HS3ST5: variants seen among roughly 807,000 people sequenced by gnomAD.
HS3ST5 encodes the protein heparan sulfate-glucosamine 3-sulfotransferase 5.
In HS3ST5, 10 loss-of-function variants were observed where a neutral mutation model predicts 25.4. The observed-to-expected ratio is 0.39, with a 90% CI of 0.24 to 0.67. The LOEUF is 0.67. HS3ST5 is among the 30% of genes least tolerant of loss of function. The pLI, the probability that HS3ST5 is intolerant of heterozygous loss-of-function variation, is 0.44. For synonymous variants in HS3ST5, 170 were observed against 162.4 expected, an observed-to-expected ratio of 1.05 and a Z score of -0.36; for missense variants, 324 against 420.7, an observed-to-expected ratio of 0.77 and a Z score of 2.01.
chr6:114,076,074 A>G (rs1246060234), intron 3 of HS3ST5, among the ~76,000 whole-genome samples: 2 of 152,224 alleles, frequency 1.3e-5, no homozygotes, highest in African/African-American at 4.8e-5. Flanking sequence ...TGTGAGGTGA[A>G]GAGGACAGTA....
At chr6:114,120,089 G>A (rs1237978925) in intron 3 of HS3ST5, among the ~76,000 whole-genome samples, 1 of 152,144 alleles carries the variant, frequency 6.6e-6, no homozygotes, top group Non-Finnish European at 1.5e-5. Context: ...AGGTTGTAGT[G>A]AGCCGAGATC....
chr6:114,330,875 A>C (rs1047247278), intron 1 of HS3ST5, among the ~76,000 whole-genome samples: 4 of 152,192 alleles, frequency 2.6e-5, no homozygotes, highest in African/African-American at 9.7e-5. Flanking sequence ...GGGTCTTCCC[A>C]AACAGTAAAC....
At chr6:114,161,138 A>G (rs1454837699) in intron 3 of HS3ST5, among the ~76,000 whole-genome samples, 1 of 151,984 alleles carries the variant, frequency 6.6e-6, no homozygotes, top group Non-Finnish European at 1.5e-5. Context: ...TTTGCCATAA[A>G]TTACCAAACC....
chr6:114,196,045 A>T (rs1482283542), intron 2 of HS3ST5, among the ~76,000 whole-genome samples: 1 of 152,202 alleles, frequency 6.6e-6, no homozygotes, highest in African/African-American at 2.4e-5. Flanking sequence ...TCAGTTTCTT[A>T]TAAAAGCCTT....
chr6:114,290,081 T>C (rs760927036), intron 1 of HS3ST5, among the ~76,000 whole-genome samples: 2 of 152,184 alleles, frequency 1.3e-5, no homozygotes, highest in Admixed American at 6.5e-5. Flanking sequence ...GGTATGTTTC[T>C]ATAAGTTCCA....
rs1487529333 is a variant in HS3ST5 at position 114,058,079 on chromosome 6, C to A, written c.219G>T (p.Lys73Asn). ...GAACCTGCTCCTTGGAAGCGTTGCC[C>A]TTCCGGAACTCGTGCAGCAGGCCAC... ...FKRGLLHEFR[K>N]GNASKEQVRL... The change falls in exon 5 of 5, where the codon AAG becomes AAT. Residue 73 changes from lysine to asparagine, a missense_variant. Transcript: ENST00000312719. The A allele has an allele frequency of 6.2e-7, 1 of 1,614,166 alleles. No individual in the cohort carries two copies. The highest frequency in any genetic ancestry group is 1.3e-5 in the African/African-American group (1 of 75,032).
At chr6:114,090,434 C>G (rs758724103) in intron 3 of HS3ST5, among the ~76,000 whole-genome samples, 4 of 152,076 alleles carry the variant, frequency 2.6e-5, no homozygotes, top group African/African-American at 7.2e-5. Context: ...TTCCCTACCC[C>G]CTCCTCCCTC....
chr6:114,308,526 G>T (rs1775394519), intron 1 of HS3ST5, among the ~76,000 whole-genome samples: 1 of 152,090 alleles, frequency 6.6e-6, no homozygotes, highest in Non-Finnish European at 1.5e-5. Context: ...GGCGGAGCTT[G>T]CAGTGAGCCG....
intron 2 of HS3ST5, among the ~76,000 whole-genome samples, chr6:114,222,474 C>T (rs982448798): frequency 1.3e-5 from 2 of 151,864 alleles, no homozygotes; most frequent in African/African-American, 4.8e-5. Context: ...CAGCTGAAAT[C>T]ACTGTACAAT....
intron 3 of HS3ST5, among the ~76,000 whole-genome samples, chr6:114,080,913 A>G (rs1035818193): frequency 5.3e-5 from 8 of 152,188 alleles, no homozygotes; most frequent in Non-Finnish European, 1.2e-4. Context: ...TTGCACATGT[A>G]CCCCCTGAAT....
intron 2 of HS3ST5, among the ~76,000 whole-genome samples, chr6:114,224,392 T>G (rs190340722): frequency 6.6e-6 from 1 of 151,584 alleles, no homozygotes; most frequent in African/African-American, 2.4e-5. Context: ...TAATTCATAA[T>G]GTTTATAGGC....
intron 1 of HS3ST5, among the ~76,000 whole-genome samples, chr6:114,291,785 T>C (rs1209505218): frequency 6.6e-6 from 1 of 152,216 alleles, no homozygotes; most frequent in African/African-American, 2.4e-5. Context: ...AGCTTCTAGA[T>C]CAGCTTAATG....
intron 1 of HS3ST5, among the ~76,000 whole-genome samples, chr6:114,318,574 T>C (rs1227831963): frequency 6.6e-6 from 1 of 152,190 alleles, no homozygotes; most frequent in African/African-American, 2.4e-5. Flanking sequence ...AAATCTGTTC[T>C]CTTAAATTGC....
At chr6:114,145,866 C>A (rs1240283041) in intron 3 of HS3ST5, among the ~76,000 whole-genome samples, 1 of 152,176 alleles carries the variant, frequency 6.6e-6, no homozygotes, top group Non-Finnish European at 1.5e-5. Flanking sequence ...TCTATCATAG[C>A]TGAATTTAAA....
At chr6:114,160,392 A>G (rs1778891800) in intron 3 of HS3ST5, among the ~76,000 whole-genome samples, 1 of 152,154 alleles carries the variant, frequency 6.6e-6, no homozygotes, top group Non-Finnish European at 1.5e-5. Context: ...TGACATATGA[A>G]GCCAGTCATT....
At chr6:114,121,407 A>T (rs1329823558) in intron 3 of HS3ST5, among the ~76,000 whole-genome samples, 1 of 152,236 alleles carries the variant, frequency 6.6e-6, no homozygotes, top group Non-Finnish European at 1.5e-5. Flanking sequence ...CATCAAGGAC[A>T]AATTTACTGC....
chr6:114,084,814 T>C, intron 3 of HS3ST5: 1 of 676,282 alleles, frequency 1.5e-6, no homozygotes, highest in Non-Finnish European at 2.6e-6. Flanking sequence ...CTTAGAAAAT[T>C]TCTTTTTTCT....
chr6:114,102,605 C>G (rs145990226), intron 3 of HS3ST5, among the ~76,000 whole-genome samples: 26 of 152,302 alleles, frequency 1.7e-4, no homozygotes, highest in African/African-American at 6.0e-4. Context: ...GGTAGACATT[C>G]TGGCTTGAAG....
chr6:114,064,047 T>C (rs141776735), intron 3 of HS3ST5, among the ~76,000 whole-genome samples: 13 of 151,966 alleles, frequency 8.6e-5, no homozygotes, highest in Non-Finnish European at 1.8e-4. Context: ...CAGCCTTTCT[T>C]ATTAAAAATA....
Sources: allele counts gnomAD v4.1 joint callset (sites outside exome capture counted in the v4.1 genomes callset), GRCh38; gene constraint gnomAD v4.1.1; transcripts MANE v1.5; gene names NCBI Gene and HGNC (gene_info 2026-07-23, HGNC 2026-07-21).